The following ADGRB3 variants were observed in gnomAD, a reference collection of about 807,000 sequenced individuals.
ADGRB3 encodes the protein adhesion G protein-coupled receptor B3, also known as brain-specific angiogenesis inhibitor 3.
ADGRB3 carries 37 observed loss-of-function variants against 193.4 expected under a neutral mutation model. That is an observed-to-expected ratio of 0.19 (90% confidence interval 0.15 to 0.25). The LOEUF is 0.25. Ranked by LOEUF, ADGRB3 falls within the 10% of genes least tolerant of loss-of-function variation. The probability of loss-of-function intolerance (pLI) is 1.00; values close to 1 mark genes in which losing one functional copy is unlikely to be tolerated. For missense variants in ADGRB3, 1,637 were observed against 1,852.9 expected, an observed-to-expected ratio of 0.88 and a Z score of 2.14; for synonymous variants, 690 against 644.2, an observed-to-expected ratio of 1.07 and a Z score of -1.08.
intron 3 of ADGRB3, among the ~76,000 whole-genome samples, chr6:68,676,912 T>A (rs1769105842): frequency 6.6e-6 from 1 of 152,120 alleles, no homozygotes; most frequent in Admixed American, 6.6e-5. Flanking sequence ...TAATCAAATT[T>A]GCAAAACAGA....
intron 26 of ADGRB3, among the ~76,000 whole-genome samples, chr6:69,340,796 G>T (rs1011765641): frequency 6.6e-6 from 1 of 152,068 alleles, no homozygotes; most frequent in Non-Finnish European, 1.5e-5. Flanking sequence ...CCTGGTGTGT[G>T]TTGTTACCCT....
chr6:69,354,646 A>G (rs1769298469), intron 27 of ADGRB3, among the ~76,000 whole-genome samples: 1 of 152,218 alleles, frequency 6.6e-6, no homozygotes, highest in Non-Finnish European at 1.5e-5. Context: ...TCAGAACACT[A>G]TGAACCTGCA....
At position 69,031,080 on chromosome 6, in the gene ADGRB3, T is replaced by G. The variant is rs530620346; in HGVS notation, c.2107+12581T>G. Reference sequence around the variant, plus strand: ...TCTTCTCTTCTCTTCTCTTCTCTTCTCTTCTCTTCTCTTCTCTTCTCTTCT... The same window carrying G: ...TCTTCTCTTCTCTTCTCTTCTCTTCGCTTCTCTTCTCTTCTCTTCTCTTCT... On this transcript the variant is annotated intron_variant, in intron 13 of 31. Transcript: ENST00000370598. Among the ~76,000 whole-genome samples, 28 of 73,510 alleles carry G rather than the reference T, an allele frequency of 3.8e-4. 2 individuals are homozygous for G. The highest frequency in any genetic ancestry group is 1.0e-3 in the African/African-American group (21 of 20,756). 48.2% of individuals were successfully genotyped at this position (73,510 alleles called of 152,430 possible).
At position 69,354,308 on chromosome 6, in the gene ADGRB3, A is replaced by G; in HGVS notation, c.3535A>G (p.Asn1179Asp). ...TGCAGATTCTTCGAGTTCGTTTCCT[A>G]ATGGGCATGCTCAAATCATGGTGAG... The part of the protein sequence containing the change: ...INADSSSSFP[N>D]GHAQIMTDFE... Residue 1179 changes from asparagine (N) to aspartate (D), a missense_variant, in exon 27 of 32, where the codon AAT becomes GAT. By Grantham distance (23) the Asn-to-Asp change is conservative (BLOSUM62 1). Coordinates refer to ENST00000370598, the MANE Select transcript of ADGRB3 (RefSeq NM_001704.3). 1 of 1,613,650 alleles carries G rather than the reference A, an allele frequency of 6.2e-7. No individual in the cohort carries two copies. Among genetic ancestry groups the G allele is most frequent in the Non-Finnish European group, 8.5e-7 (1 of 1,179,608 alleles).
At chr6:68,906,935 C>T (rs1766564687) in intron 3 of ADGRB3, among the ~76,000 whole-genome samples, 1 of 151,958 alleles carries the variant, frequency 6.6e-6, no homozygotes, top group Non-Finnish European at 1.5e-5. Context: ...TGTCTCTTCA[C>T]ATTTTTTGCC....
chr6:68,925,728 A>G (rs968956632), intron 3 of ADGRB3, among the ~76,000 whole-genome samples: 6 of 152,006 alleles, frequency 3.9e-5, no homozygotes, highest in African/African-American at 1.4e-4. Context: ...ATGAGTCTCA[A>G]ATGTAGCTCA....
At chr6:69,068,152 C>G (rs960344775) in intron 16 of ADGRB3, among the ~76,000 whole-genome samples, 1 of 152,082 alleles carries the variant, frequency 6.6e-6, no homozygotes. Flanking sequence ...CTGTGTGATA[C>G]GCAGAATAGT....
chr6:68,845,664 C>T (rs1768259269), intron 3 of ADGRB3, among the ~76,000 whole-genome samples: 1 of 152,168 alleles, frequency 6.6e-6, no homozygotes, highest in Non-Finnish European at 1.5e-5. Context: ...GCTTCTTCCT[C>T]ATCCTTTCTT....
chr6:68,839,718 A>G (rs1213527625), intron 3 of ADGRB3, among the ~76,000 whole-genome samples: 1 of 152,140 alleles, frequency 6.6e-6, no homozygotes, highest in Non-Finnish European at 1.5e-5. Context: ...TTTACACAAA[A>G]AAGAGCCCTT....
At chr6:69,291,344 A>G (rs901950915) in intron 20 of ADGRB3, among the ~76,000 whole-genome samples, 4 of 152,116 alleles carry the variant, frequency 2.6e-5, no homozygotes, top group Admixed American at 2.6e-4. Flanking sequence ...ACTTGTAGCT[A>G]AGTATGTTGA....
chr6:68,797,849 T>G (rs947948670), intron 3 of ADGRB3, among the ~76,000 whole-genome samples: 2 of 152,234 alleles, frequency 1.3e-5, no homozygotes, highest in Non-Finnish European at 2.9e-5. Flanking sequence ...ACAGTAGATC[T>G]TAAGTAGGGA....
intron 17 of ADGRB3, among the ~76,000 whole-genome samples, chr6:69,124,498 A>G (rs1773803448): frequency 1.3e-5 from 2 of 152,212 alleles, no homozygotes; most frequent in African/African-American, 4.8e-5. Context: ...TTCTTCGTCT[A>G]GAAAACAAGG....
In ADGRB3 at chr6:69,295,868, T is replaced by C. The variant is rs556311947; in HGVS notation, c.2815-29004T>C. 2.6e-5 allele frequency among the ~76,000 whole-genome samples: 4 copies of C among 152,274 alleles called. No homozygotes were observed. In the South Asian group the frequency reaches 8.3e-4, roughly 32 times the overall value. On this transcript the variant is annotated intron_variant, in intron 20 of 31. Transcript: ENST00000370598. Reference sequence around the variant, plus strand: ...GGTGCTGGTTCATATTTGTCTCCAATTGTTTGTTGTCTTCCAAATGTTGAC... The same window carrying C: ...GGTGCTGGTTCATATTTGTCTCCAACTGTTTGTTGTCTTCCAAATGTTGAC...
chr6:68,728,341 G>C, intron 3 of ADGRB3, among the ~76,000 whole-genome samples: 1 of 150,978 alleles, frequency 6.6e-6, no homozygotes, highest in Non-Finnish European at 1.5e-5. Context: ...ATTTATGTAT[G>C]CAAATTAAGT....
At chr6:69,312,494 T>A (rs1313602213) in intron 20 of ADGRB3, among the ~76,000 whole-genome samples, 1 of 151,664 alleles carries the variant, frequency 6.6e-6, no homozygotes, top group African/African-American at 2.4e-5. Context: ...TAGAAGTCCT[T>A]TGAAATCTCC....
chr6:69,048,928 A>G (rs1414638122), intron 14 of ADGRB3, among the ~76,000 whole-genome samples: 1 of 152,130 alleles, frequency 6.6e-6, no homozygotes, highest in Non-Finnish European at 1.5e-5. Flanking sequence ...TTCAAAAGTG[A>G]CATCGTACTC....
intron 11 of ADGRB3, among the ~76,000 whole-genome samples, chr6:68,994,361 G>A (rs919626491): frequency 1.3e-5 from 2 of 152,074 alleles, no homozygotes; most frequent in African/African-American, 4.8e-5. Flanking sequence ...AAAAAACATA[G>A]TTTAAAGTTT....
intron 3 of ADGRB3, among the ~76,000 whole-genome samples, chr6:68,917,862 C>A (rs980684834): frequency 6.6e-6 from 1 of 152,034 alleles, no homozygotes; most frequent in African/African-American, 2.4e-5. Flanking sequence ...AAAATGCAAT[C>A]AAAAATTAAA....
At chr6:69,105,132 G>A (rs1253076806) in intron 17 of ADGRB3, among the ~76,000 whole-genome samples, 3 of 152,136 alleles carry the variant, frequency 2.0e-5, no homozygotes, top group South Asian at 2.1e-4. Context: ...TGCAAGAAAT[G>A]TTTCATCATT....
Sources: gnomAD v4.1 joint callset for allele counts (sites outside exome capture counted in the v4.1 genomes callset) on GRCh38, gnomAD v4.1.1 for gene constraint, MANE v1.5 for transcripts, NCBI Gene and HGNC (gene_info 2026-07-23, HGNC 2026-07-21) for gene names.